Variants in SMARCA1 observed in about 807,000 individuals in gnomAD.
SMARCA1 encodes SWI/SNF-related matrix-associated actin-dependent regulator of chromatin subfamily A member 1.
In SMARCA1, 17 loss-of-function variants were observed where a neutral mutation model predicts 93.6. The observed-to-expected ratio is 0.18, with a 90% CI of 0.12 to 0.27. The LOEUF (loss-of-function observed/expected upper bound fraction) is 0.27, where lower values mean the gene tolerates loss of function less well. SMARCA1 is among the 10% of genes least tolerant of loss of function. The pLI, the probability that SMARCA1 is intolerant of heterozygous loss-of-function variation, is 1.00. For synonymous variants in SMARCA1, 271 were observed against 271.4 expected, an observed-to-expected ratio of 1.00 and a Z score of 0.01; for missense variants, 630 against 819.0, an observed-to-expected ratio of 0.77 and a Z score of 2.82.
intron 19 of SMARCA1, among the ~76,000 whole-genome samples, chrX:129,480,024 T>G (rs780981560): frequency 2.6e-4 from 29 of 111,972 alleles, no homozygotes; most frequent in Non-Finnish European, 5.3e-4. Flanking sequence ...TTAATGTTAG[T>G]GATTATTATA....
chrX:129,516,338 C>A lies in SMARCA1; in HGVS notation c.421G>T (p.Ala141Ser). ...AGAGAGGTGCCAACATACTCTCCAG[C>A]AGAAATTAAGCTCTGCTTTTCATCT... ...KKDEKQSLIS[A>S]GDYRHRRTEQ... Residue 141 changes from alanine (A) to serine (S), a missense_variant, in exon 3 of 25, where the codon GCT (alanine) becomes TCT (serine). This residue lies in a region of SMARCA1 where 382 missense variants were observed against 537.9 expected (regional missense o/e 0.71). Transcript: ENST00000371121. 1.7e-6 allele frequency: 2 copies of A among 1,208,097 alleles called. No individual in the cohort carries two copies. The highest frequency in any genetic ancestry group is 2.2e-6 in the Non-Finnish European group (2 of 893,726).
intron 23 of SMARCA1, among the ~76,000 whole-genome samples, chrX:129,460,888 G>A (rs982065650): frequency 4.5e-5 from 5 of 111,989 alleles, no homozygotes; most frequent in Non-Finnish European, 9.4e-5. Context: ...CAAAAACAGG[G>A]AAGTTAATAA....
chrX:129,500,776 T>C (rs777597627), intron 9 of SMARCA1, among the ~76,000 whole-genome samples: 26 of 112,232 alleles, frequency 2.3e-4, no homozygotes, highest in African/African-American at 7.4e-4. Context: ...TCAAGTGCCA[T>C]ATATCAGGTC....
chrX:129,470,103 ATCTT>A (rs963800478), intron 20 of SMARCA1, among the ~76,000 whole-genome samples: 23 of 111,738 alleles, frequency 2.1e-4, no homozygotes, highest in Admixed American at 1.9e-4. Flanking sequence ...TATAAAAACT[ATCTT>A]TCAATAATTA....
Position 129,465,676 on chromosome X carries a change from T to C in SMARCA1, c.2874A>G (p.Lys958=). The C allele has an allele frequency of 8.3e-7, 1 of 1,200,336 alleles. No homozygotes were observed. Among genetic ancestry groups the C allele is most frequent in the South Asian group, 1.8e-5 (1 of 54,203 alleles). Residue 958 remains lysine, a synonymous_variant, in exon 23 of 25, where the codon AAA becomes AAG. Coordinates refer to ENST00000371121, the MANE Select transcript of SMARCA1 (RefSeq NM_001282874.2). ...CTTCTTCCTCAGTATAGTTCTTTCC[T>C]TTGCTGGTTCCATACTGAATGCGCA... is the stretch of plus-strand genomic sequence containing the variant. ...HQLRIQYGTS[K]GKNYTEEEDR...
intron 21 of SMARCA1, among the ~76,000 whole-genome samples, chrX:129,468,276 C>T (rs1178528026): frequency 8.9e-6 from 1 of 112,337 alleles, no homozygotes; most frequent in Non-Finnish European, 1.9e-5. Context: ...TTAAAGCAAT[C>T]TTTTCAGCTC....
chrX:129,471,829 T>A (rs188751783), intron 19 of SMARCA1, among the ~76,000 whole-genome samples: 1 of 110,974 alleles, frequency 9.0e-6, no homozygotes, highest in Non-Finnish European at 1.9e-5. Context: ...TTGGAAAAAG[T>A]TAACAGGATA....
At chrX:129,457,722 A>G (rs1400252421) in intron 23 of SMARCA1, among the ~76,000 whole-genome samples, 1 of 112,130 alleles carries the variant, frequency 8.9e-6, no homozygotes, top group Non-Finnish European at 1.9e-5. Context: ...ATGTTCCTCT[A>G]TGCAAAGCTA....
chrX:129,509,264 T>C (rs1934940220), intron 6 of SMARCA1, among the ~76,000 whole-genome samples: 1 of 111,273 alleles, frequency 9.0e-6, no homozygotes, highest in Admixed American at 9.6e-5. Flanking sequence ...GCAAAGTCTT[T>C]ATTTCATAAT....
chrX:129,493,325 T>G (rs12841689), intron 12 of SMARCA1, among the ~76,000 whole-genome samples: 16,257 of 111,108 alleles, frequency 0.15, 1,001 homozygotes, highest in East Asian at 0.29. Flanking sequence ...ATATAGTATA[T>G]GAAGTCTGAT....
At chrX:129,493,736 G>C (rs968665443) in intron 12 of SMARCA1, among the ~76,000 whole-genome samples, 1 of 111,935 alleles carries the variant, frequency 8.9e-6, no homozygotes, top group Non-Finnish European at 1.9e-5. Flanking sequence ...GAATTCAATT[G>C]GAACTTTAAG....
At chrX:129,487,163 A>G in intron 16 of SMARCA1, 26 bp from the exon 17 acceptor site, 1 of 1,087,705 alleles carries the variant, frequency 9.2e-7, no homozygotes, top group Non-Finnish European at 1.2e-6. Context: ...TTGAAATGAG[A>G]AAATTATCAC....
chrX:129,473,227 C>T lies in SMARCA1; in HGVS notation c.2443-1901G>A, dbSNP rs768920204. 3.6e-5 allele frequency among the ~76,000 whole-genome samples: 4 copies of T among 111,495 alleles called. No individual in the cohort carries two copies. In the South Asian group the frequency reaches 1.5e-3, roughly 42 times the overall value. ...AGTGTTTTCACCCGGAAGCCTTTTG[C>T]TGAATGGACTGAAGTGGGGCAGCGA... On this transcript the variant is annotated intron_variant, in intron 19 of 24. Transcript: ENST00000371121.
At chrX:129,482,255 G>A (rs769795819) in intron 17 of SMARCA1, among the ~76,000 whole-genome samples, 5 of 102,276 alleles carry the variant, frequency 4.9e-5, no homozygotes, top group South Asian at 4.9e-4. Flanking sequence ...TGGGTGCAGC[G>A]CACCAGCATG....
chrX:129,474,573 G>A (rs1052212440), intron 19 of SMARCA1, among the ~76,000 whole-genome samples: 2 of 111,822 alleles, frequency 1.8e-5, no homozygotes, highest in African/African-American at 6.5e-5. Flanking sequence ...AGAATCCACT[G>A]CAATTTATTC....
chrX:129,462,110 A>G (rs1932816156), intron 23 of SMARCA1, among the ~76,000 whole-genome samples: 1 of 111,939 alleles, frequency 8.9e-6, no homozygotes, highest in Non-Finnish European at 1.9e-5. Flanking sequence ...TCTACTTTTT[A>G]TAAGATGCAT....
chrX:129,490,244 G>C (rs763427942), intron 14 of SMARCA1, 52 bp from the exon 15 acceptor site: 3 of 913,344 alleles, frequency 3.3e-6, no homozygotes, highest in African/African-American at 4.0e-5. Flanking sequence ...ATAAAATTTA[G>C]AGCCATCATA....
intron 12 of SMARCA1, among the ~76,000 whole-genome samples, chrX:129,495,514 C>T (rs1039537724): frequency 1.8e-5 from 2 of 110,955 alleles, no homozygotes; most frequent in Admixed American, 1.9e-4. Context: ...TGCCACCATG[C>T]CTGACTAATG....
At chrX:129,522,757 G>T (rs1885728174) in intron 1 of SMARCA1, among the ~76,000 whole-genome samples, 1 of 112,251 alleles carries the variant, frequency 8.9e-6, no homozygotes, top group African/African-American at 3.2e-5. Flanking sequence ...GCGCGAGTGT[G>T]GGATTGAAGG....
Sources: allele counts gnomAD v4.1 joint callset (sites outside exome capture counted in the v4.1 genomes callset), GRCh38; gene constraint gnomAD v4.1.1; regional missense constraint gnomAD v4.1.1; transcripts MANE v1.5; gene names NCBI Gene and HGNC (gene_info 2026-07-23, HGNC 2026-07-21).